Variants in PRR12 observed in about 807,000 individuals in gnomAD.
PRR12 encodes the protein proline-rich protein 12.
PRR12 carries 12 observed loss-of-function variants against 138.0 expected under a neutral mutation model. The observed-to-expected ratio is 0.09, with a 90% CI of 0.06 to 0.14. The LOEUF (loss-of-function observed/expected upper bound fraction) is 0.14. PRR12 is among the 10% of genes least tolerant of loss of function. The pLI, the probability that PRR12 is intolerant of heterozygous loss-of-function variation, is 1.00. For synonymous variants in PRR12, 1,567 were observed against 1,291.7 expected (o/e 1.21, Z -4.57); for missense variants, 2,692 against 2,861.3 (o/e 0.94, Z 1.35).
Position 49,598,000 on chromosome 19 carries a change from T to A in PRR12, c.3665T>A (p.Leu1222Gln), listed in dbSNP as rs766918717. The change falls in exon 4 of 14, where the codon CTG (leucine) becomes CAG (glutamine). Residue 1222 changes from leucine (L) to glutamine (Q), a missense_variant. By Grantham distance (113) the Leu-to-Gln change is moderately radical. Transcript: ENST00000418929. The surrounding 1 kb of genome is among the most constrained non-coding windows in gnomAD (Gnocchi z 6.3). ...GCAGGGGGCACCCGGTTGGAGCCCC[T>A]GAAGCCACTTAAGGTGAGGGGAAAT... Reference protein sequence around the residue: ...EEAGGTRLEPLKPLKIKLSVP... With the variant: ...EEAGGTRLEPQKPLKIKLSVP... 7.2e-7 allele frequency: 1 copy of A among 1,383,830 alleles called. No individual in the cohort carries two copies. Among genetic ancestry groups the A allele is most frequent in the East Asian group, 2.9e-5 (1 of 35,006 alleles). The allele number at this position is 1,383,830 out of a possible 1,614,324, so 85.7% of individuals were successfully genotyped here. A position where few individuals can be genotyped will look rare whatever the true frequency, so the allele number is the denominator to read the frequency against.
At position 49,615,905 on chromosome 19, in the gene PRR12, C is replaced by G. The variant is rs771066739; in HGVS notation, c.5183C>G (p.Ala1728Gly). 10 of 1,565,378 alleles carry G rather than the reference C, an allele frequency of 6.4e-6. No homozygotes were observed. Among genetic ancestry groups the G allele is most frequent in the Non-Finnish European group, 8.7e-6 (10 of 1,155,106 alleles). Residue 1728 changes from alanine (A) to glycine (G), a missense_variant, in exon 9 of 14, where the codon GCC (alanine) becomes GGC (glycine). Physicochemically the swap from Ala to Gly is moderately conservative, Grantham distance 60. Coordinates refer to ENST00000418929, the MANE Select transcript of PRR12 (RefSeq NM_020719.3). ...GAGACGGCCATGCCTGAGCCCCCTG[C>G]CCCCGAGAAGCCCTCCCTCCTGCGG... ...TPETAMPEPP[A>G]PEKPSLLRPV... is the part of the protein sequence containing the mutation.
intron 4 of PRR12, among the ~76,000 whole-genome samples, chr19:49,598,888 G>A (rs1599788880): frequency 6.6e-6 from 1 of 152,124 alleles, no homozygotes; most frequent in South Asian, 2.1e-4. Context: ...TGAAACTCCT[G>A]ACCTCAAGTG....
At position 49,594,623 on chromosome 19, in the gene PRR12, C is replaced by T. The variant is rs764260631; in HGVS notation, c.361+8C>T. 1 of 1,611,618 alleles carries T rather than the reference C, an allele frequency of 6.2e-7. No individual in the cohort carries two copies. The highest frequency in any genetic ancestry group is 8.5e-7 in the Non-Finnish European group (1 of 1,179,498). ...GTCCTTCCTGGCAAACAGGTAAGCC[C>T]AGCGCCGGCCCTGCAGGGCCAGGGT... is the stretch of plus-strand genomic sequence containing the variant. On this transcript the variant is annotated splice_region_variant and intron_variant, in intron 3 of 13. Transcript: ENST00000418929. This position sits in a 1 kb window ranked among gnomAD's most constrained non-coding sequence, Gnocchi z 5.6.
chr19:49,616,102 C>A lies in PRR12; in HGVS notation c.5380C>A (p.Pro1794Thr). The A allele has an allele frequency of 6.4e-7, 1 of 1,566,860 alleles. No individual in the cohort carries two copies. The highest frequency in any genetic ancestry group is 8.6e-7 in the Non-Finnish European group (1 of 1,156,506). ...GCCTACCAAGGTGAAGGCTGAACCG[C>A]CCCCTAAGAAGAGGAAGAAATGGCT... ...ARPTKVKAEP[P>T]PKKRKKWLKE... Residue 1794 changes from proline (P) to threonine (T), a missense_variant, in exon 9 of 14, where the codon CCC becomes ACC. This residue lies in a region of PRR12 where 259 missense variants were observed against 265.1 expected (regional missense o/e 0.98). Coordinates refer to ENST00000418929, the MANE Select transcript of PRR12 (RefSeq NM_020719.3). The surrounding 1 kb of genome is among the most constrained non-coding windows in gnomAD (Gnocchi z 4.2).
intron 6 of PRR12, among the ~76,000 whole-genome samples, chr19:49,603,171 G>T (rs2080821063): frequency 6.6e-6 from 1 of 152,248 alleles, no homozygotes; most frequent in African/African-American, 2.4e-5. Context: ...GACAAATAGA[G>T]TTGGATCAGA....
intron 6 of PRR12, among the ~76,000 whole-genome samples, chr19:49,602,655 G>A (rs577210407): frequency 4.8e-4 from 73 of 152,248 alleles, no homozygotes; most frequent in Middle Eastern, 6.8e-3. Flanking sequence ...AGGTTCAAGC[G>A]ATTCTCTTGA....
chr19:49,620,621 G>A, intron 10 of PRR12, 144 bp downstream of exon 10: 1 of 1,246,426 alleles, frequency 8.0e-7, no homozygotes, highest in Non-Finnish European at 1.1e-6. Context: ...GCCTGGACCT[G>A]GGTCTGAGAG....
chr19:49,606,123 C>A (rs1445409984), intron 6 of PRR12, among the ~76,000 whole-genome samples: 1 of 152,088 alleles, frequency 6.6e-6, no homozygotes, highest in Admixed American at 6.6e-5. Flanking sequence ...ACCTCAGCCT[C>A]CCAAGTAACT....
Position 49,597,328 on chromosome 19 carries a change from C to T in PRR12, c.2993C>T (p.Ala998Val), listed in dbSNP as rs749010703. 5.2e-6 allele frequency: 8 copies of T among 1,544,510 alleles called. No individual in the cohort carries two copies. The highest frequency in any genetic ancestry group is 2.7e-5 in the African/African-American group (2 of 73,294). The change falls in exon 4 of 14, where the codon GCG (alanine) becomes GTG (valine). Residue 998 changes from alanine to valine, a missense_variant. Ala to Val is a moderately conservative substitution (Grantham distance 64). Around this residue, in one of 11 missense-constraint regions of PRR12, gnomAD observed 840 missense variants for 689.8 expected, o/e 1.22. Transcript: ENST00000418929. This position sits in a 1 kb window ranked among gnomAD's most constrained non-coding sequence, Gnocchi z 6.3. Reference protein sequence around the residue: ...DPYGPYCPGRASGAGPETPGL... With the variant: ...DPYGPYCPGRVSGAGPETPGL... ...TATGGGCCCTACTGTCCTGGCCGGG[C>T]GTCGGGAGCCGGGCCCGAGACACCG...
chr19:49,623,575 T>G (rs1293208875), intron 11 of PRR12, among the ~76,000 whole-genome samples: 1 of 149,612 alleles, frequency 6.7e-6, no homozygotes, highest in Non-Finnish European at 1.5e-5. Context: ...GAGCTTGCAG[T>G]GAGCCAAGGT....
At chr19:49,609,256 G>C (rs1721532634) in intron 6 of PRR12, among the ~76,000 whole-genome samples, 1 of 152,136 alleles carries the variant, frequency 6.6e-6, no homozygotes, top group African/African-American at 2.4e-5. Flanking sequence ...AGTGAGCCAA[G>C]ATTGCTCGAT....
rs2080946384 is a variant in PRR12 at position 49,624,845 on chromosome 19, A to G, written c.5723A>G (p.Asp1908Gly). The G allele has an allele frequency of 6.2e-7, 1 of 1,610,726 alleles. No homozygotes were observed. The change falls in exon 12 of 14, where the codon GAT (aspartate) becomes GGT (glycine). Residue 1908 changes from aspartate (D) to glycine (G), a missense_variant and splice_region_variant. Coordinates refer to ENST00000418929, the MANE Select transcript of PRR12 (RefSeq NM_020719.3). The part of the protein sequence containing the change: ...KRLSLSPALQ[D>G]ALHTFPQLQV... Reference sequence around the variant, plus strand: ...AGCTGACCCATTGGCTTCCCGCAGGATGCTCTGCACACGTTCCCACAGCTG... The same window carrying G: ...AGCTGACCCATTGGCTTCCCGCAGGGTGCTCTGCACACGTTCCCACAGCTG...
Position 49,625,846 on chromosome 19 carries a change from A to C in PRR12, c.*239A>C, listed in dbSNP as rs2080952424. On this transcript the variant is annotated 3_prime_UTR_variant, in exon 14 of 14. Coordinates refer to ENST00000418929, the MANE Select transcript of PRR12 (RefSeq NM_020719.3). The surrounding 1 kb of genome is among the most constrained non-coding windows in gnomAD (Gnocchi z 5.5). The stretch of plus-strand genomic sequence containing the variant: ...CGGTGTACAGAGAAATTATTTATAT[A>C]TATGTATAAATGTCTATTTAGTAAC... 1 of 422,660 alleles carries C rather than the reference A, an allele frequency of 2.4e-6. No homozygotes were observed. Among genetic ancestry groups the C allele is most frequent in the Non-Finnish European group, 4.1e-6 (1 of 241,126 alleles). 26.2% of individuals were successfully genotyped at this position (422,660 alleles called of 1,614,324 possible). A position where few individuals can be genotyped will look rare whatever the true frequency, so the allele number is the denominator to read the frequency against.
In PRR12 at chr19:49,616,173, C is replaced by G. The variant is rs747515105; in HGVS notation, c.5451C>G (p.Gly1817=). 7 of 1,556,700 alleles carry G rather than the reference C, an allele frequency of 4.5e-6. No individual in the cohort carries two copies. Among genetic ancestry groups the G allele is most frequent in the Non-Finnish European group, 6.1e-6 (7 of 1,150,660 alleles). The change falls in exon 9 of 14, where the codon GGC becomes GGG. Residue 1817 remains glycine (G), a synonymous_variant. Coordinates refer to ENST00000418929, the MANE Select transcript of PRR12 (RefSeq NM_020719.3). The surrounding 1 kb of genome is among the most constrained non-coding windows in gnomAD (Gnocchi z 4.2). The part of the protein sequence containing the change: ...GNATAGGGPP[G]SSSDSESSPG... The stretch of plus-strand genomic sequence containing the variant: ...CTACAGCAGGCGGGGGCCCACCAGG[C>G]AGCTCCTCGGACTCGGAGTCCTCCC...
intron 6 of PRR12, among the ~76,000 whole-genome samples, chr19:49,612,718 G>A (rs1168089263): frequency 6.6e-6 from 1 of 152,068 alleles, no homozygotes; most frequent in Non-Finnish European, 1.5e-5. Flanking sequence ...AGGCCAGAGT[G>A]CAGTGCTGTG....
chr19:49,604,638 A>T (rs2080829156), intron 6 of PRR12, among the ~76,000 whole-genome samples: 1 of 152,068 alleles, frequency 6.6e-6, no homozygotes, highest in Non-Finnish European at 1.5e-5. Flanking sequence ...ACATCACGCC[A>T]CTGCACTCCA....
intron 5 of PRR12, among the ~76,000 whole-genome samples, chr19:49,600,940 G>GTC (rs1280996073): frequency 7.9e-5 from 12 of 152,020 alleles, no homozygotes; most frequent in African/African-American, 2.9e-4. Context: ...GGCCAGACTG[G>GTC]TCTCGAACTC....
At chr19:49,622,318 C>T (rs1485082065) in intron 11 of PRR12, among the ~76,000 whole-genome samples, 11 of 152,108 alleles carry the variant, frequency 7.2e-5, no homozygotes, top group African/African-American at 1.4e-4. Flanking sequence ...CAGTGGCTCA[C>T]GCCTGTGATC....
chr19:49,624,846 T>C lies in PRR12; in HGVS notation c.5724T>C (p.Asp1908=), dbSNP rs372543985. Residue 1908 remains aspartate (D), a splice_region_variant and synonymous_variant, in exon 12 of 14, where the codon GAT becomes GAC. Coordinates refer to ENST00000418929, the MANE Select transcript of PRR12 (RefSeq NM_020719.3). ...KRLSLSPALQ[D]ALHTFPQLQV... Reference sequence around the variant, plus strand: ...GCTGACCCATTGGCTTCCCGCAGGATGCTCTGCACACGTTCCCACAGCTGC... The same window carrying C: ...GCTGACCCATTGGCTTCCCGCAGGACGCTCTGCACACGTTCCCACAGCTGC... 7.6e-5 allele frequency: 122 copies of C among 1,610,786 alleles called. No homozygotes were observed. Among genetic ancestry groups the C allele is most frequent in the Non-Finnish European group, 1.0e-4 (120 of 1,178,960 alleles).
Sources: gnomAD v4.1 joint callset for allele counts (sites outside exome capture counted in the v4.1 genomes callset) on GRCh38, gnomAD v4.1.1 for gene constraint, gnomAD v4.1.1 regional missense constraint, Gnocchi (gnomAD v3.1) non-coding constraint, MANE v1.5 for transcripts, NCBI Gene and HGNC (gene_info 2026-07-23, HGNC 2026-07-21) for gene names.